Variants in MICOS10 observed in about 807,000 individuals in gnomAD.
MICOS10 encodes mitochondrial contact site and cristae organizing system subunit 10.
MICOS10 carries 5 observed loss-of-function variants against 13.4 expected under a neutral mutation model. That is an observed-to-expected ratio of 0.37 (90% CI 0.20 to 0.78). The LOEUF (loss-of-function observed/expected upper bound fraction) is 0.78, where lower values mean the gene tolerates loss of function less well. Among genes scored for constraint, MICOS10 ranks in the 30% least tolerant of loss-of-function variants. The pLI is 0.47. For missense variants in MICOS10, 101 were observed against 94.6 expected (o/e 1.07, Z -0.28); for synonymous variants, 35 against 33.6 (o/e 1.04, Z -0.15).
chr1:19,608,994 C>CTTTTTTTTTT (rs5772856), intron 1 of MICOS10, among the ~76,000 whole-genome samples: 2 of 60,592 alleles, frequency 3.3e-5, no homozygotes, highest in African/African-American at 7.6e-5. Context: ...CTTTTCCCAG[C>CTTTTTTTTTT]TTTTTTTTTT....
chr1:19,629,740 T>C lies in MICOS10; in HGVS notation c.*3339T>C, dbSNP rs550948843. On this transcript the variant is annotated 3_prime_UTR_variant, in exon 4 of 4. Transcript: ENST00000322753. The stretch of plus-strand genomic sequence containing the variant: ...TAACCAACCCATAATTGCATTTTAC[T>C]TGTCGTGGTTCGATCTGATTGTATT... 36 of 152,368 alleles carry C rather than the reference T, an allele frequency of 2.4e-4. No individual in the cohort carries two copies. The highest frequency in any genetic ancestry group is 8.7e-4 in the African/African-American group (36 of 41,590). The allele number at this position is 152,368 out of a possible 1,614,324, so 9.4% of individuals were successfully genotyped here. A position where few individuals can be genotyped will look rare whatever the true frequency, so the allele number is the denominator to read the frequency against.
intron 1 of MICOS10, among the ~76,000 whole-genome samples, chr1:19,617,536 TA>T (rs2094888708): frequency 6.6e-6 from 1 of 152,202 alleles, no homozygotes; most frequent in Admixed American, 6.5e-5. Flanking sequence ...AAGGATTAAG[TA>T]ACACAGTTTG....
At chr1:19,607,870 A>G (rs1272171024) in intron 1 of MICOS10, among the ~76,000 whole-genome samples, 4 of 152,256 alleles carry the variant, frequency 2.6e-5, no homozygotes, top group Admixed American at 6.5e-5. Context: ...AGCTGGACAT[A>G]TAAATCAGTA....
intron 1 of MICOS10, among the ~76,000 whole-genome samples, chr1:19,616,509 G>A (rs2094885071): frequency 1.3e-5 from 2 of 152,124 alleles, no homozygotes; most frequent in Admixed American, 1.3e-4. Flanking sequence ...TTGATTTGTT[G>A]ACAATTTCTC....
chr1:19,601,181 C>T (rs2094813309), intron 1 of MICOS10: 2 of 373,104 alleles, frequency 5.4e-6, no homozygotes, highest in Non-Finnish European at 1.0e-5. Context: ...ATCTTTTCAC[C>T]CTGAGGCTTG....
At chr1:19,625,395 C>T in intron 3 of MICOS10, 1 of 1,289,102 alleles carries the variant, frequency 7.8e-7, no homozygotes, top group Non-Finnish European at 1.0e-6. Flanking sequence ...ATTTTAGAAC[C>T]TGCTGAAACC....
intron 1 of MICOS10, among the ~76,000 whole-genome samples, chr1:19,606,783 A>G (rs1021885363): frequency 2.0e-5 from 3 of 152,172 alleles, no homozygotes; most frequent in Non-Finnish European, 2.9e-5. Context: ...GTAGGACAGT[A>G]AAAGACTTAG....
At chr1:19,605,422 C>T (rs2094831054) in intron 1 of MICOS10, among the ~76,000 whole-genome samples, 1 of 152,014 alleles carries the variant, frequency 6.6e-6, no homozygotes, top group African/African-American at 2.4e-5. Context: ...AACTCTCACC[C>T]CAACCTTAGC....
At chr1:19,609,826 A>C (rs1020062888) in intron 1 of MICOS10, among the ~76,000 whole-genome samples, 1 of 152,184 alleles carries the variant, frequency 6.6e-6, no homozygotes, top group African/African-American at 2.4e-5. Flanking sequence ...AGGGGGGAAA[A>C]ACAGAATAAT....
intron 3 of MICOS10, among the ~76,000 whole-genome samples, chr1:19,624,415 T>A (rs1270292736): frequency 6.6e-6 from 1 of 151,892 alleles, no homozygotes; most frequent in Non-Finnish European, 1.5e-5. Context: ...GCCTCCCGAG[T>A]AGCTGGGATT....
Position 19,629,573 on chromosome 1 carries a change from G to A in MICOS10, c.*3172G>A, listed in dbSNP as rs1162100174. 1 of 152,214 alleles carries A rather than the reference G, an allele frequency of 6.6e-6. No homozygotes were observed. Among genetic ancestry groups the A allele is most frequent in the East Asian group, 1.9e-4 (1 of 5,200 alleles). The allele number at this position is 152,214 out of a possible 1,614,324, so 9.4% of individuals were successfully genotyped here. On this transcript the variant is annotated 3_prime_UTR_variant, in exon 4 of 4. Coordinates refer to ENST00000322753, the MANE Select transcript of MICOS10 (RefSeq NM_001032363.4). ...TGTTGAGCTGTCTCCTTTAGTGAGT[G>A]TCATCCTCTCATCCATTTCAAAAGA...
In MICOS10 at chr1:19,608,994, C is replaced by CTTTTTT. The variant is rs5772856; in HGVS notation, c.64+11909_64+11914dup. ...TTAAGATGTGAGCCACTTTTCCCAG[C>CTTTTTT]TTTTTTTTTTTTTTTTTTTTTTTTT... On this transcript the variant is annotated intron_variant, in intron 1 of 3. Coordinates refer to ENST00000322753, the MANE Select transcript of MICOS10 (RefSeq NM_001032363.4). 2.0e-3 allele frequency among the ~76,000 whole-genome samples: 124 copies of CTTTTTT among 60,592 alleles called. 17 individuals are homozygous for CTTTTTT. Among genetic ancestry groups the CTTTTTT allele is most frequent in the African/African-American group, 7.8e-3 (103 of 13,122 alleles). The allele number at this position is 60,592 out of a possible 152,430, so 39.8% of individuals were successfully genotyped here.
intron 1 of MICOS10, chr1:19,601,270 A>G (rs193132360): frequency 6.3e-6 from 2 of 316,134 alleles, no homozygotes; most frequent in Non-Finnish European, 1.3e-5. Context: ...CCTTGCCCCC[A>G]TTACTATCTT....
At chr1:19,614,878 G>T (rs1188719321) in intron 1 of MICOS10, among the ~76,000 whole-genome samples, 2 of 152,182 alleles carry the variant, frequency 1.3e-5, no homozygotes, top group African/African-American at 2.4e-5. Context: ...TGTGCCTTAT[G>T]CTTCAGCTGG....
In MICOS10 at chr1:19,629,297, G is replaced by A. The variant is rs1359472488; in HGVS notation, c.*2896G>A. ...TCATGGGTTTGGGGAGACAGCGATG[G>A]GAACCCAGCAGGGCACAGGATGCTA... On this transcript the variant is annotated 3_prime_UTR_variant, in exon 4 of 4. Coordinates refer to ENST00000322753, the MANE Select transcript of MICOS10 (RefSeq NM_001032363.4). 6.6e-6 allele frequency: 1 copy of A among 152,220 alleles called. No homozygotes were observed. The highest frequency in any genetic ancestry group is 1.5e-5 in the Non-Finnish European group (1 of 68,050). 9.4% of individuals were successfully genotyped at this position (152,220 alleles called of 1,614,324 possible).
chr1:19,614,327 A>T (rs1051701558), intron 1 of MICOS10, among the ~76,000 whole-genome samples: 1 of 145,610 alleles, frequency 6.9e-6, no homozygotes, highest in Non-Finnish European at 1.5e-5. Context: ...CTCCCTTATA[A>T]AAAAAAAAAA....
intron 1 of MICOS10, among the ~76,000 whole-genome samples, chr1:19,609,066 C>T (rs2094847951): frequency 7.7e-6 from 1 of 129,264 alleles, no homozygotes; most frequent in African/African-American, 3.1e-5. Flanking sequence ...AGTGCAGTGG[C>T]ACAGTCACGG....
chr1:19,597,731 A>C (rs951339393), intron 1 of MICOS10: 8 of 152,456 alleles, frequency 5.2e-5, no homozygotes, highest in African/African-American at 1.9e-4. Flanking sequence ...ACACGTGCTC[A>C]GTGACGGCAC....
At chr1:19,624,670 A>G (rs976562077) in intron 3 of MICOS10, among the ~76,000 whole-genome samples, 2 of 152,290 alleles carry the variant, frequency 1.3e-5, no homozygotes, top group Non-Finnish European at 2.9e-5. Flanking sequence ...AGGCTTCCTC[A>G]GGGCTTCGTG....
Sources: gnomAD v4.1 joint callset for allele counts (sites outside exome capture counted in the v4.1 genomes callset) on GRCh38, gnomAD v4.1.1 for gene constraint, MANE v1.5 for transcripts, NCBI Gene and HGNC (gene_info 2026-07-23, HGNC 2026-07-21) for gene names.